PPFIBP1: variants seen among roughly 807,000 people sequenced by gnomAD.
PPFIBP1 encodes the protein liprin-beta-1.
Under a neutral mutation model 137.8 loss-of-function variants are expected in PPFIBP1, and 112 were observed. That is an observed-to-expected ratio of 0.81 (90% confidence interval 0.70 to 0.95). PPFIBP1 has a LOEUF of 0.95. Among genes scored for constraint, PPFIBP1 ranks in the 40% least tolerant of loss-of-function variants. The pLI is 0.00. For synonymous variants in PPFIBP1, 378 were observed against 417.3 expected (o/e 0.91, Z 1.15); for missense variants, 1,083 against 1,196.6 (o/e 0.91, Z 1.40).
chr12:27,531,778 A>C (rs7959388), intron 1 of PPFIBP1, among the ~76,000 whole-genome samples: 24,181 of 152,044 alleles, frequency 0.16, 2,244 homozygotes, highest in Middle Eastern at 0.25. Flanking sequence ...CCTTGACTCC[A>C]TCTACTTGGC....
At chr12:27,560,734 A>G (rs2049089235) in intron 1 of PPFIBP1, among the ~76,000 whole-genome samples, 1 of 152,214 alleles carries the variant, frequency 6.6e-6, no homozygotes, top group Non-Finnish European at 1.5e-5. Flanking sequence ...AAAGGGCACA[A>G]AGTCAGGATC....
Position 27,682,629 on chromosome 12 carries a change from A to T in PPFIBP1, c.2173A>T (p.Ile725Phe). The T allele has an allele frequency of 6.2e-7, 1 of 1,614,176 alleles. No homozygotes were observed. ...CTCTCTTTTAGGATGGTTGGATGACATTGGCCTCCCTCAATATAAGACCCA... is the reference window on the plus strand; with the variant it reads ...CTCTCTTTTAGGATGGTTGGATGACTTTGGCCTCCCTCAATATAAGACCCA... The part of the protein sequence containing the change: ...FNWVTRWLDD[I>F]GLPQYKTQFD... The change falls in exon 24 of 30, where the codon ATT (isoleucine) becomes TTT (phenylalanine). Residue 725 changes from isoleucine to phenylalanine, a missense_variant. By Grantham distance (21) the Ile-to-Phe change is conservative (BLOSUM62 0). Transcript: ENST00000228425.
At chr12:27,582,597 G>GAA (rs1422667824) in intron 2 of PPFIBP1, among the ~76,000 whole-genome samples, 15 of 152,276 alleles carry the variant, frequency 9.9e-5, no homozygotes, top group African/African-American at 3.1e-4. Context: ...GGTTCCCTGG[G>GAA]TGTGGTCTGC....
chr12:27,684,714 C>T (rs2061094140), intron 24 of PPFIBP1, among the ~76,000 whole-genome samples: 1 of 147,762 alleles, frequency 6.8e-6, no homozygotes, highest in East Asian at 2.0e-4. Flanking sequence ...ACTGGATTCT[C>T]AATAACCCTT....
chr12:27,573,893 G>A (rs1181251013), intron 1 of PPFIBP1, among the ~76,000 whole-genome samples: 3 of 152,002 alleles, frequency 2.0e-5, no homozygotes, highest in Non-Finnish European at 4.4e-5. Flanking sequence ...GAAGCAAGAG[G>A]ATTGCTGGAG....
intron 2 of PPFIBP1, among the ~76,000 whole-genome samples, chr12:27,612,032 C>A (rs538168731): frequency 6.6e-6 from 1 of 152,288 alleles, no homozygotes; most frequent in South Asian, 2.1e-4. Context: ...TCTTGCATAT[C>A]CTTCATTTTC....
rs2060707182 is a variant in PPFIBP1, at chr12:27,678,881, A to AAAAAAAAAAAAAAAC, written c.1616-608_1616-607insAAAAAAAAAAAAAAC. 1.0e-3 allele frequency among the ~76,000 whole-genome samples: 143 copies of AAAAAAAAAAAAAAAC among 143,192 alleles called. 3 individuals are homozygous for AAAAAAAAAAAAAAAC. The highest frequency in any genetic ancestry group is 3.8e-3 in the African/African-American group (139 of 36,338). 93.9% of individuals were successfully genotyped at this position (143,192 alleles called of 152,430 possible). ...CAAAAAAAAAAAAAAAAAAAAAAAA[A>AAAAAAAAAAAAAAAC]CATTTAAGAGAGAAAAAGACTCTCG... On this transcript the variant is annotated intron_variant, in intron 19 of 29. Coordinates refer to ENST00000228425, the MANE Select transcript of PPFIBP1 (RefSeq NM_003622.4).
intron 10 of PPFIBP1, 57 bp from the exon 11 acceptor site, chr12:27,660,827 T>C: frequency 1.3e-6 from 2 of 1,584,416 alleles, no homozygotes; most frequent in Non-Finnish European, 1.7e-6. Flanking sequence ...GTAAATAACT[T>C]CTTATCACTG....
chr12:27,676,347 A>T, intron 17 of PPFIBP1, 81 bp from the exon 18 acceptor site: 1 of 1,093,626 alleles, frequency 9.1e-7, no homozygotes, highest in Admixed American at 2.9e-5. Context: ...ATGTGGCGTG[A>T]GTGAGTATTT....
At chr12:27,620,118 G>A (rs181208376) in intron 2 of PPFIBP1, among the ~76,000 whole-genome samples, 20 of 152,242 alleles carry the variant, frequency 1.3e-4, no homozygotes, top group Admixed American at 3.3e-4. Flanking sequence ...GTTGTTTTCT[G>A]ACTGTTCTTG....
In PPFIBP1 at chr12:27,673,811, AAG is replaced by A. The variant is rs2140228979; in HGVS notation, c.1368_1369del (p.Glu456AspfsTer3). The A allele has an allele frequency of 6.2e-7, 1 of 1,613,688 alleles. No individual in the cohort carries two copies. The highest frequency in any genetic ancestry group is 8.5e-7 in the Non-Finnish European group (1 of 1,179,696). ...TCCAGCAGCCTGGGCAATCTGAAGA[AAG>A]AGACATCTGATGGGGTGGGTTCTGT... On this transcript the variant is annotated frameshift_variant, in exon 16 of 30. Transcript: ENST00000228425. LOFTEE classifies it high-confidence loss of function.
intron 2 of PPFIBP1, among the ~76,000 whole-genome samples, chr12:27,607,346 A>C (rs1207065756): frequency 6.6e-6 from 1 of 152,218 alleles, no homozygotes; most frequent in East Asian, 1.9e-4. Flanking sequence ...CAAAAGGGAG[A>C]ATGGCATTAC....
intron 1 of PPFIBP1, among the ~76,000 whole-genome samples, chr12:27,527,819 G>A (rs1195857020): frequency 6.6e-6 from 1 of 151,824 alleles, no homozygotes; most frequent in Admixed American, 6.6e-5. Flanking sequence ...ATCTTTCAGG[G>A]AGCCATAATC....
At chr12:27,589,383 G>A (rs994024334) in intron 2 of PPFIBP1, among the ~76,000 whole-genome samples, 23 of 152,178 alleles carry the variant, frequency 1.5e-4, no homozygotes, top group African/African-American at 5.3e-4. Flanking sequence ...AGGCTCAAGC[G>A]ATCCTTGCGC....
intron 19 of PPFIBP1, among the ~76,000 whole-genome samples, chr12:27,679,225 G>T (rs61917496): frequency 0.11 from 16,941 of 152,200 alleles, 1,171 homozygotes; most frequent in Non-Finnish European, 0.15. Context: ...ATTATGAATT[G>T]AAATCACTCA....
At chr12:27,679,684 T>C in intron 20 of PPFIBP1, 45 bp downstream of exon 20, 1 of 1,594,008 alleles carries the variant, frequency 6.3e-7, no homozygotes, top group South Asian at 1.1e-5. Flanking sequence ...GTCTTACATG[T>C]TGCTTAAAAG....
intron 2 of PPFIBP1, among the ~76,000 whole-genome samples, chr12:27,625,877 C>G (rs1450851641): frequency 7.2e-5 from 11 of 152,162 alleles, no homozygotes; most frequent in Non-Finnish European, 1.0e-4. Context: ...GCCACTGCGC[C>G]TGGCCTTATT....
chr12:27,557,479 C>T (rs1398808481), intron 1 of PPFIBP1, among the ~76,000 whole-genome samples: 1 of 152,148 alleles, frequency 6.6e-6, no homozygotes, highest in African/African-American at 2.4e-5. Context: ...TCGTGATCCA[C>T]CCGCCTTGGC....
intron 1 of PPFIBP1, among the ~76,000 whole-genome samples, chr12:27,572,290 C>T (rs2136695144): frequency 6.6e-6 from 1 of 152,220 alleles, no homozygotes. Context: ...ATGTTCTTTC[C>T]TTCACTAGGC....
Sources: gnomAD v4.1 joint callset for allele counts (sites outside exome capture counted in the v4.1 genomes callset) on GRCh38, gnomAD v4.1.1 for gene constraint, MANE v1.5 for transcripts, NCBI Gene and HGNC (gene_info 2026-07-23, HGNC 2026-07-21) for gene names.